The following CASC3 variants were observed in gnomAD, a reference collection of about 807,000 sequenced individuals.
CASC3 encodes the protein CASC3 exon junction complex subunit.
In CASC3, 30 loss-of-function variants were observed where a neutral mutation model predicts 80.5. The observed-to-expected ratio is 0.37, with a 90% CI of 0.28 to 0.51. CASC3 has a LOEUF of 0.51. CASC3 is among the 20% of genes least tolerant of loss of function. The pLI, the probability that CASC3 is intolerant of heterozygous loss-of-function variation, is 0.94. For missense variants in CASC3, 824 were observed against 922.2 expected, an observed-to-expected ratio of 0.89 and a Z score of 1.38; for synonymous variants, 312 against 333.6, an observed-to-expected ratio of 0.94 and a Z score of 0.70.
chr17:40,154,658 A>G (rs1989101270), intron 3 of CASC3, among the ~76,000 whole-genome samples: 1 of 151,484 alleles, frequency 6.6e-6, no homozygotes, highest in Non-Finnish European at 1.5e-5. Flanking sequence ...CTTTCTTTAT[A>G]GTGTTCTTTC....
intron 3 of CASC3, among the ~76,000 whole-genome samples, chr17:40,145,226 C>T (rs573086210): frequency 2.0e-5 from 3 of 150,868 alleles, no homozygotes; most frequent in Non-Finnish European, 4.4e-5. Flanking sequence ...GGCTGGAGTG[C>T]GGTGGTGCAA....
intron 3 of CASC3, among the ~76,000 whole-genome samples, chr17:40,144,693 G>A (rs1044782965): frequency 5.6e-5 from 8 of 143,822 alleles, no homozygotes; most frequent in African/African-American, 2.1e-4. Context: ...AAAAGAGGCA[G>A]GGTCTCACTC....
At chr17:40,147,982 C>T (rs1988901730) in intron 3 of CASC3, among the ~76,000 whole-genome samples, 1 of 152,022 alleles carries the variant, frequency 6.6e-6, no homozygotes, top group African/African-American at 2.4e-5. Context: ...ATGCGGATGT[C>T]TTTCTGGCAT....
intron 3 of CASC3, among the ~76,000 whole-genome samples, chr17:40,158,424 T>C (rs902793374): frequency 2.0e-5 from 3 of 152,192 alleles, no homozygotes; most frequent in Non-Finnish European, 4.4e-5. Flanking sequence ...AGACCACCTT[T>C]CCTTGAACCC....
In CASC3 at chr17:40,144,173, C is replaced by A. The variant is rs535815028; in HGVS notation, c.297+2566C>A. 3.9e-5 allele frequency among the ~76,000 whole-genome samples: 6 copies of A among 151,984 alleles called. No homozygotes were observed. The East Asian group carries it at 9.7e-4, about 25-fold the overall frequency. On this transcript the variant is annotated intron_variant, in intron 3 of 13. Transcript: ENST00000264645. Reference sequence around the variant, plus strand: ...ACTCAGGAGGCTGAGGCAGGAGAATCACTTGAACCCAGGAGGTGGAGGTTG... The same window carrying A: ...ACTCAGGAGGCTGAGGCAGGAGAATAACTTGAACCCAGGAGGTGGAGGTTG...
At chr17:40,150,906 G>A (rs1013852947) in intron 3 of CASC3, among the ~76,000 whole-genome samples, 8 of 151,990 alleles carry the variant, frequency 5.3e-5, no homozygotes, top group Admixed American at 6.6e-5. Context: ...CCAGCCACTC[G>A]GGAGGCTGAG....
rs1365018788 is a variant in CASC3 at position 40,171,295 on chromosome 17, C to T, written c.*890C>T. On this transcript the variant is annotated 3_prime_UTR_variant, in exon 14 of 14. Transcript: ENST00000264645. ...GGGATGGTGGAGTGAGAGCCTTTGC[C>T]TTTAGGGGTGTGTATTCACATAGTC... 1 of 985,886 alleles carries T rather than the reference C, an allele frequency of 1.0e-6. No individual in the cohort carries two copies. Among genetic ancestry groups the T allele is most frequent in the East Asian group, 1.1e-4 (1 of 8,962 alleles). The allele number at this position is 985,886 out of a possible 1,614,324, so 61.1% of individuals were successfully genotyped here. A position where few individuals can be genotyped will look rare whatever the true frequency, so the allele number is the denominator to read the frequency against.
intron 3 of CASC3, among the ~76,000 whole-genome samples, chr17:40,145,191 A>T (rs1488210486): frequency 2.8e-5 from 4 of 144,416 alleles, no homozygotes; most frequent in African/African-American, 1.0e-4. Context: ...TTTGTTTTTT[A>T]AGACGGAGTC....
chr17:40,154,645 T>G (rs934380368), intron 3 of CASC3, among the ~76,000 whole-genome samples: 16 of 150,266 alleles, frequency 1.1e-4, no homozygotes, highest in Non-Finnish European at 1.8e-4. Flanking sequence ...TGTGGATTGT[T>G]CACTTTCTTT....
intron 3 of CASC3, among the ~76,000 whole-genome samples, chr17:40,160,708 G>A (rs1207943560): frequency 6.6e-6 from 1 of 150,780 alleles, no homozygotes; most frequent in Non-Finnish European, 1.5e-5. Flanking sequence ...GCACAAACTT[G>A]GCTCACTGCA....
In CASC3 at chr17:40,161,736, A is replaced by G; in HGVS notation, c.298-17A>G. The G allele has an allele frequency of 6.2e-7, 1 of 1,612,790 alleles. No homozygotes were observed. Among genetic ancestry groups the G allele is most frequent in the Non-Finnish European group, 8.5e-7 (1 of 1,179,184 alleles). On this transcript the variant is annotated splice_polypyrimidine_tract_variant and intron_variant, in intron 3 of 13. Transcript: ENST00000264645. ...TTCAGATCTTATATGCATCGCTGACAGGGAAACTTTTTTCAGGGTGAAGAA... is the reference window on the plus strand; with the variant it reads ...TTCAGATCTTATATGCATCGCTGACGGGGAAACTTTTTTCAGGGTGAAGAA...
intron 7 of CASC3, among the ~76,000 whole-genome samples, chr17:40,164,528 A>G (rs1191283605): frequency 6.7e-6 from 1 of 149,690 alleles, no homozygotes; most frequent in Non-Finnish European, 1.5e-5. Context: ...GCTCACTGTA[A>G]TGTCCACCTC....
chr17:40,164,371 C>G (rs911775774), intron 7 of CASC3, among the ~76,000 whole-genome samples: 24 of 152,018 alleles, frequency 1.6e-4, no homozygotes, highest in Non-Finnish European at 3.2e-4. Context: ...TCAAGTGATT[C>G]TCCTGCCTCA....
intron 3 of CASC3, among the ~76,000 whole-genome samples, chr17:40,160,699 C>T (rs939461764): frequency 2.6e-5 from 4 of 151,890 alleles, no homozygotes; most frequent in African/African-American, 7.3e-5. Context: ...AGTGCAGTGG[C>T]ACAAACTTGG....
chr17:40,165,846 A>C (rs1313288447), intron 7 of CASC3, among the ~76,000 whole-genome samples: 1 of 150,750 alleles, frequency 6.6e-6, no homozygotes, highest in East Asian at 1.9e-4. Context: ...GCTCACTGCA[A>C]CCTCCGCCTC....
chr17:40,171,641 C>A lies in CASC3; in HGVS notation c.*1236C>A. The A allele has an allele frequency of 1.0e-6, 1 of 1,001,382 alleles. No individual in the cohort carries two copies. Among genetic ancestry groups the A allele is most frequent in the Non-Finnish European group, 1.2e-6 (1 of 839,250 alleles). The allele number at this position is 1,001,382 out of a possible 1,614,324, so 62.0% of individuals were successfully genotyped here. ...AAGGGCTCCTATCTTTCCTCCCTAT[C>A]CATGGCACTAAACCACTTCTCTGCT... On this transcript the variant is annotated 3_prime_UTR_variant, in exon 14 of 14. Coordinates refer to ENST00000264645, the MANE Select transcript of CASC3 (RefSeq NM_007359.5).
intron 3 of CASC3, among the ~76,000 whole-genome samples, chr17:40,143,266 C>G (rs962287201): frequency 1.3e-5 from 2 of 150,776 alleles, no homozygotes; most frequent in African/African-American, 4.9e-5. Context: ...GCCAACATGG[C>G]AAAACTCCAT....
intron 8 of CASC3, 29 bp from the exon 9 acceptor site, chr17:40,167,469 T>G: frequency 1.3e-6 from 2 of 1,535,640 alleles, no homozygotes; most frequent in South Asian, 2.2e-5. Context: ...CTAGAATTCT[T>G]ATTGTTTAGG....
Position 40,168,385 on chromosome 17 carries a change from C to T in CASC3, c.1933C>T (p.Pro645Ser), listed in dbSNP as rs752849091. The change falls in exon 11 of 14, where the codon CCA (proline) becomes TCA (serine). Residue 645 changes from proline (P) to serine (S), a missense_variant. Around this residue, in one of 3 missense-constraint regions of CASC3, gnomAD observed 464 missense variants for 506.0 expected, o/e 0.92. Coordinates refer to ENST00000264645, the MANE Select transcript of CASC3 (RefSeq NM_007359.5). ...TTATGCTCCAGGGGCACTGCCTCCC[C>T]CACCACCGCCTCATCTGTATCCTAA... is the stretch of plus-strand genomic sequence containing the variant. ...YPYAPGALPPPPPPHLYPNTQ... is the reference protein window; with the variant it reads ...YPYAPGALPPSPPPHLYPNTQ... 6.2e-7 allele frequency: 1 copy of T among 1,614,088 alleles called. No homozygotes were observed. The highest frequency in any genetic ancestry group is 8.5e-7 in the Non-Finnish European group (1 of 1,179,992).
Sources: allele counts gnomAD v4.1 joint callset (sites outside exome capture counted in the v4.1 genomes callset), GRCh38; gene constraint gnomAD v4.1.1; regional missense constraint gnomAD v4.1.1; transcripts MANE v1.5; gene names NCBI Gene and HGNC (gene_info 2026-07-23, HGNC 2026-07-21).